Variants in CTNNB1 observed in about 807,000 individuals in gnomAD.
The protein encoded by CTNNB1 is catenin beta 1, also known as catenin beta-1.
In CTNNB1, 6 loss-of-function variants were observed where a neutral mutation model predicts 82.5. The observed-to-expected ratio is 0.07, with a 90% CI of 0.04 to 0.14. The LOEUF (loss-of-function observed/expected upper bound fraction) is 0.14, where lower values mean the gene tolerates loss of function less well. CTNNB1 is among the 10% of genes least tolerant of loss of function. The pLI is 1.00. For missense variants in CTNNB1, 529 were observed against 980.4 expected, an observed-to-expected ratio of 0.54 and a Z score of 6.15; for synonymous variants, 312 against 329.7, an observed-to-expected ratio of 0.95 and a Z score of 0.58.
chr3:41,199,810 G>C (rs1175878030), intron 1 of CTNNB1, 140 bp downstream of exon 1: 1 of 151,852 alleles, frequency 6.6e-6, no homozygotes, highest in Non-Finnish European at 1.5e-5. Flanking sequence ...GAGCTCAGGT[G>C]GGGGACGGTG....
At chr3:41,236,522 C>A (rs2125646455) in intron 12 of CTNNB1, 23 bp downstream of exon 12, 1 of 1,614,196 alleles carries the variant, frequency 6.2e-7, no homozygotes, top group Non-Finnish European at 8.5e-7. Flanking sequence ...GAACCAAAGC[C>A]TTTAGCAGAT....
chr3:41,223,266 G>A (rs1414267297), intron 1 of CTNNB1, among the ~76,000 whole-genome samples: 1 of 152,002 alleles, frequency 6.6e-6, no homozygotes, highest in Admixed American at 6.6e-5. Flanking sequence ...CCTGTGTGAT[G>A]CAGTTTTTTT....
chr3:41,230,872 C>G (rs1364377595), intron 7 of CTNNB1, among the ~76,000 whole-genome samples: 1 of 152,212 alleles, frequency 6.6e-6, no homozygotes, highest in Non-Finnish European at 1.5e-5. Context: ...TCTTGGGCTA[C>G]ACACCAAATA....
rs2125637732 is a variant in CTNNB1 at position 41,233,385 on chromosome 3, C to T, written c.1126C>T (p.Arg376Cys). ...LGLHLTDPSQ[R>C]LVQNCLWTLR... ...ACTTCACCTGACAGATCCAAGTCAA[C>T]GTCTTGTTCAGAACTGTCTTTGGAC... Residue 376 changes from arginine (R) to cysteine (C), a missense_variant, in exon 8 of 15, where the codon CGT becomes TGT. This residue lies in a region of CTNNB1 where 411 missense variants were observed against 776.4 expected (regional missense o/e 0.53). Transcript: ENST00000349496. The T allele has an allele frequency of 1.2e-6, 2 of 1,614,162 alleles. No individual in the cohort carries two copies. The highest frequency in any genetic ancestry group is 8.5e-7 in the Non-Finnish European group (1 of 1,180,034).
At chr3:41,203,963 C>T (rs530147873) in intron 1 of CTNNB1, among the ~76,000 whole-genome samples, 2 of 152,136 alleles carry the variant, frequency 1.3e-5, no homozygotes, top group Non-Finnish European at 2.9e-5. Context: ...GGAATGAAAA[C>T]GTTAGCGTAG....
chr3:41,222,799 T>C (rs1353934718), intron 1 of CTNNB1, among the ~76,000 whole-genome samples: 2 of 152,224 alleles, frequency 1.3e-5, no homozygotes, highest in Admixed American at 6.5e-5. Context: ...TCTGTTGACA[T>C]TGGCCAAAGG....
intron 10 of CTNNB1, 147 bp downstream of exon 10, chr3:41,234,444 T>G: frequency 1.2e-6 from 1 of 811,320 alleles, no homozygotes. Context: ...TAATTACACA[T>G]TTCTATGGCT....
At chr3:41,235,589 C>T (rs1170383116) in intron 10 of CTNNB1, 135 bp from the exon 11 acceptor site, 1 of 1,166,314 alleles carries the variant, frequency 8.6e-7, no homozygotes, top group Non-Finnish European at 1.3e-6. Flanking sequence ...TTAATGGAAT[C>T]CTTCTTCCTT....
intron 1 of CTNNB1, among the ~76,000 whole-genome samples, chr3:41,209,008 A>G (rs2077715232): frequency 1.3e-5 from 2 of 152,198 alleles, no homozygotes; most frequent in South Asian, 2.1e-4. Context: ...CCACCACGTT[A>G]TAAATTTGTA....
chr3:41,234,010 A>G (rs1422378093), intron 9 of CTNNB1, 129 bp from the exon 10 acceptor site: 6 of 1,433,682 alleles, frequency 4.2e-6, no homozygotes, highest in Non-Finnish European at 5.9e-6. Flanking sequence ...CGATAGGGGT[A>G]AGATTCTGAA....
Position 41,225,120 on chromosome 3 carries a change from T to C in CTNNB1, c.408T>C (p.Val136=). ...CATCACAGATGCTGAAACATGCAGTTGTAAACTTGATTAACTATCAAGATG... is the reference window on the plus strand; with the variant it reads ...CATCACAGATGCTGAAACATGCAGTCGTAAACTTGATTAACTATCAAGATG... The part of the protein sequence containing the change: ...AEPSQMLKHA[V]VNLINYQDDA... The change falls in exon 4 of 15, where the codon GTT becomes GTC. Residue 136 remains valine, a synonymous_variant. Transcript: ENST00000349496. The surrounding 1 kb of genome is among the most constrained non-coding windows in gnomAD (Gnocchi z 5.3). The C allele has an allele frequency of 1.2e-6, 2 of 1,614,094 alleles. No individual in the cohort carries two copies. Among genetic ancestry groups the C allele is most frequent in the Non-Finnish European group, 1.7e-6 (2 of 1,179,994 alleles).
At chr3:41,224,903 T>C (rs909859735) in intron 3 of CTNNB1, 51 bp from the exon 4 acceptor site, 1 of 1,612,630 alleles carries the variant, frequency 6.2e-7, no homozygotes, top group Non-Finnish European at 8.5e-7. Flanking sequence ...TAGCAAATAC[T>C]TAGGTAAATG....
At chr3:41,237,876 C>A in intron 13 of CTNNB1, 140 bp from the exon 14 acceptor site, 2 of 736,412 alleles carry the variant, frequency 2.7e-6, no homozygotes, top group Admixed American at 4.2e-5. Flanking sequence ...TGAAGAACTT[C>A]CATTTTCTAA....
intron 1 of CTNNB1, among the ~76,000 whole-genome samples, chr3:41,217,499 C>T (rs565907827): frequency 1.0e-3 from 157 of 152,196 alleles, no homozygotes; most frequent in African/African-American, 3.6e-3. Context: ...ATTTTTTATT[C>T]AGTCTCCTGT....
rs2078527508 is a variant in CTNNB1, at chr3:41,239,643, T to A, written c.*301T>A. ...GCTGTTTTAAACATTAATAGCAGCC[T>A]TTCTCTCTTTATACAGCTGTATTGT... On this transcript the variant is annotated 3_prime_UTR_variant, in exon 15 of 15. Transcript: ENST00000349496. 7 of 471,382 alleles carry A rather than the reference T, an allele frequency of 1.5e-5. No individual in the cohort carries two copies. The highest frequency in any genetic ancestry group is 2.7e-5 in the Non-Finnish European group (7 of 255,182). 29.2% of individuals were successfully genotyped at this position (471,382 alleles called of 1,614,324 possible). A position where few individuals can be genotyped will look rare whatever the true frequency, so the allele number is the denominator to read the frequency against.
At chr3:41,217,181 CTGCCTGGAGTGT>C (rs2077933604) in intron 1 of CTNNB1, among the ~76,000 whole-genome samples, 2 of 152,214 alleles carry the variant, frequency 1.3e-5, no homozygotes, top group South Asian at 4.1e-4. Flanking sequence ...CACTCTTTCT[CTGCCTGGAGTGT>C]TCTGCCCCAT....
At chr3:41,226,793 A>G in intron 6 of CTNNB1, among the ~76,000 whole-genome samples, 1 of 152,208 alleles carries the variant, frequency 6.6e-6, no homozygotes, top group Non-Finnish European at 1.5e-5. Flanking sequence ...TAAGGTGGAT[A>G]TAATTAGGAA....
intron 1 of CTNNB1, among the ~76,000 whole-genome samples, chr3:41,202,947 G>A (rs1004852201): frequency 3.3e-5 from 5 of 151,800 alleles, no homozygotes; most frequent in African/African-American, 1.2e-4. Context: ...CTTGAAGTAT[G>A]CATATAATTT....
At chr3:41,217,241 C>CTT (rs1183048566) in intron 1 of CTNNB1, among the ~76,000 whole-genome samples, 6 of 152,184 alleles carry the variant, frequency 3.9e-5, no homozygotes, top group African/African-American at 1.4e-4. Flanking sequence ...GATGAAATGT[C>CTT]TCTTCCTCAC....
Sources: gnomAD v4.1 joint callset for allele counts (sites outside exome capture counted in the v4.1 genomes callset) on GRCh38, gnomAD v4.1.1 for gene constraint, gnomAD v4.1.1 regional missense constraint, Gnocchi (gnomAD v3.1) non-coding constraint, MANE v1.5 for transcripts, NCBI Gene and HGNC (gene_info 2026-07-23, HGNC 2026-07-21) for gene names.